Variants in USP32 observed in about 807,000 individuals in gnomAD.
The protein encoded by USP32 is ubiquitin carboxyl-terminal hydrolase 32.
USP32 carries 59 observed loss-of-function variants against 204.8 expected under a neutral mutation model. That is an observed-to-expected ratio of 0.29 (90% CI 0.23 to 0.36). The LOEUF is 0.36. USP32 is among the 10% of genes least tolerant of loss of function. The probability of loss-of-function intolerance (pLI) is 1.00; values close to 1 mark genes in which losing one functional copy is unlikely to be tolerated. For missense variants in USP32, 1,160 were observed against 1,946.4 expected, an observed-to-expected ratio of 0.60 and a Z score of 7.60; for synonymous variants, 517 against 678.4, an observed-to-expected ratio of 0.76 and a Z score of 3.70.
chr17:60,211,663 G>C lies in USP32; in HGVS notation c.2180-149C>G, dbSNP rs150758833. ...TCTCTAGCAGGTCTCTGAAATGCTA[G>C]AGAAGGCTTTTCATGGAGTGTCTGG... On this transcript the variant is annotated intron_variant, in intron 19 of 33. Transcript: ENST00000300896. 3,596 of 1,293,812 alleles carry C rather than the reference G, an allele frequency of 2.8e-3. 16 individuals carry two copies. The highest frequency in any genetic ancestry group is 3.3e-3 in the Non-Finnish European group (3,159 of 966,010). The allele number at this position is 1,293,812 out of a possible 1,614,324, so 80.1% of individuals were successfully genotyped here.
intron 4 of USP32, among the ~76,000 whole-genome samples, chr17:60,290,547 G>T (rs1226319136): frequency 6.6e-6 from 1 of 152,154 alleles, no homozygotes; most frequent in Non-Finnish European, 1.5e-5. Flanking sequence ...ATTGGGATAA[G>T]TCTTAAAATC....
intron 16 of USP32, 54 bp from the exon 17 acceptor site, chr17:60,214,828 C>T: frequency 9.9e-6 from 16 of 1,613,394 alleles, no homozygotes; most frequent in Non-Finnish European, 1.4e-5. Context: ...AAAGAAGCAC[C>T]CCTCTCAGCA....
rs199764317 is a variant in USP32 at position 60,266,102 on chromosome 17, G to T, written c.812-11C>A. On this transcript the variant is annotated splice_polypyrimidine_tract_variant and intron_variant, in intron 7 of 33. Coordinates refer to ENST00000300896, the MANE Select transcript of USP32 (RefSeq NM_032582.4). The stretch of plus-strand genomic sequence containing the variant: ...ATACCTTGAAGCAAACTAATGAAAA[G>T]AAACTCTTATGGAGGAAAATCATTT... 6.3e-6 allele frequency: 10 copies of T among 1,599,802 alleles called. No homozygotes were observed. The African/African-American group carries it at 1.1e-4, about 17-fold the overall frequency.
intron 1 of USP32, among the ~76,000 whole-genome samples, chr17:60,357,845 T>G: frequency 1.3e-5 from 2 of 152,242 alleles, no homozygotes; most frequent in South Asian, 4.2e-4. Flanking sequence ...CTCAACTCAC[T>G]GCAACTTCCA....
At chr17:60,297,815 C>T (rs555095886) in intron 3 of USP32, among the ~76,000 whole-genome samples, 1 of 152,244 alleles carries the variant, frequency 6.6e-6, no homozygotes, top group Non-Finnish European at 1.5e-5. Flanking sequence ...TAAGCACTGG[C>T]CTTGAGATAA....
At chr17:60,312,333 A>G (rs1036974938) in intron 2 of USP32, among the ~76,000 whole-genome samples, 1 of 152,226 alleles carries the variant, frequency 6.6e-6, no homozygotes, top group African/African-American at 2.4e-5. Flanking sequence ...TGCTTGATTA[A>G]TTCATCAACA....
intron 1 of USP32, among the ~76,000 whole-genome samples, chr17:60,353,140 T>A (rs1208585506): frequency 6.6e-6 from 1 of 152,122 alleles, no homozygotes; most frequent in Non-Finnish European, 1.5e-5. Context: ...AATAAGCTTA[T>A]AAGGATAGGA....
At chr17:60,389,270 G>A (rs1366235897) in intron 1 of USP32, among the ~76,000 whole-genome samples, 1 of 152,122 alleles carries the variant, frequency 6.6e-6, no homozygotes, top group Non-Finnish European at 1.5e-5. Context: ...GGGGACAGCC[G>A]CAGTGGCTCA....
intron 18 of USP32, among the ~76,000 whole-genome samples, chr17:60,213,095 A>G (rs1210496822): frequency 6.6e-6 from 1 of 152,176 alleles, no homozygotes; most frequent in East Asian, 1.9e-4. Flanking sequence ...TTGCCACAAA[A>G]CTTGATGGGA....
At chr17:60,373,856 C>A (rs1425959781) in intron 1 of USP32, among the ~76,000 whole-genome samples, 1 of 152,070 alleles carries the variant, frequency 6.6e-6, no homozygotes, top group Non-Finnish European at 1.5e-5. Flanking sequence ...AATATTTTTT[C>A]TTTATATCTT....
Position 60,178,577 on chromosome 17 carries a change from C to T in USP32, c.*678G>A, listed in dbSNP as rs144544967. 2.0e-5 allele frequency among the ~76,000 whole-genome samples: 3 copies of T among 152,354 alleles called. No individual in the cohort carries two copies. The East Asian group carries it at 5.8e-4, about 29-fold the overall frequency. On this transcript the variant is annotated 3_prime_UTR_variant, in exon 34 of 34. Transcript: ENST00000300896. ...CTCCCACAAGGCTCTGGGTGGAAGG[C>T]ACACAGCTCTTAAGAGAGCCTCCCT...
At chr17:60,297,652 G>GGAC (rs1302935502) in intron 3 of USP32, among the ~76,000 whole-genome samples, 1 of 151,782 alleles carries the variant, frequency 6.6e-6, no homozygotes, top group African/African-American at 2.4e-5. Flanking sequence ...TATTAGTCAG[G>GGAC]CTGGTCTCAA....
chr17:60,270,463 G>A (rs1412730151), intron 6 of USP32, among the ~76,000 whole-genome samples: 1 of 152,140 alleles, frequency 6.6e-6, no homozygotes, highest in East Asian at 1.9e-4. Flanking sequence ...CAGAACCCAA[G>A]TATTCATATT....
Position 60,208,648 on chromosome 17 carries a change from A to G in USP32, c.2773+6T>C. 4 of 1,485,894 alleles carry G rather than the reference A, an allele frequency of 2.7e-6. No homozygotes were observed. Among genetic ancestry groups the G allele is most frequent in the Non-Finnish European group, 3.6e-6 (4 of 1,117,086 alleles). 92.0% of individuals were successfully genotyped at this position (1,485,894 alleles called of 1,614,324 possible). A position where few individuals can be genotyped will look rare whatever the true frequency, so the allele number is the denominator to read the frequency against. ...TCAAGTAATTTTTCAGAACTTTCTG[A>G]CCTACCTGTTATTTCTAAGTGCATA... On this transcript the variant is annotated splice_donor_region_variant and intron_variant, in intron 23 of 33. Transcript: ENST00000300896.
chr17:60,292,079 C>A (rs1208697899), intron 4 of USP32, among the ~76,000 whole-genome samples: 1 of 152,036 alleles, frequency 6.6e-6, no homozygotes, highest in East Asian at 1.9e-4. Context: ...CAAAGGTCAA[C>A]TCACTAGACC....
chr17:60,343,965 C>T (rs963213918), intron 2 of USP32, among the ~76,000 whole-genome samples: 2 of 151,218 alleles, frequency 1.3e-5, no homozygotes, highest in African/African-American at 2.4e-5. Context: ...ACCTGGGAGG[C>T]GAAACTTGCC....
intron 12 of USP32, among the ~76,000 whole-genome samples, chr17:60,228,495 C>CTTTTTTT (rs796712684): frequency 2.2e-5 from 3 of 135,772 alleles, no homozygotes; most frequent in African/African-American, 9.4e-5. Flanking sequence ...TTTCTTTTTT[C>CTTTTTTT]TTTTTCTTTT....
rs756056159 is a variant in USP32 at position 60,303,195 on chromosome 17, C to T, written c.187-1491G>A. Among the ~76,000 whole-genome samples, 8 of 152,196 alleles carry T rather than the reference C, an allele frequency of 5.3e-5. No individual in the cohort carries two copies. In the South Asian group the frequency reaches 8.3e-4, roughly 16 times the overall value. Reference sequence around the variant, plus strand: ...AAAAACCAAATAAACAGAACTAATACACTTTGTAAAATAACTATTTTTAGT... The same window carrying T: ...AAAAACCAAATAAACAGAACTAATATACTTTGTAAAATAACTATTTTTAGT... On this transcript the variant is annotated intron_variant, in intron 2 of 33. Coordinates refer to ENST00000300896, the MANE Select transcript of USP32 (RefSeq NM_032582.4).
At chr17:60,191,177 G>A (rs1482158614) in intron 28 of USP32, among the ~76,000 whole-genome samples, 1 of 152,010 alleles carries the variant, frequency 6.6e-6, no homozygotes, top group Non-Finnish European at 1.5e-5. Context: ...CGAGGTGGGT[G>A]GATCACCTGA....
Sources: allele counts gnomAD v4.1 joint callset (sites outside exome capture counted in the v4.1 genomes callset), GRCh38; gene constraint gnomAD v4.1.1; transcripts MANE v1.5; gene names NCBI Gene and HGNC (gene_info 2026-07-23, HGNC 2026-07-21).